The following RBM26 variants were observed in gnomAD, a reference collection of about 807,000 sequenced individuals.
RBM26 encodes the protein RNA-binding protein 26.
Under a neutral mutation model 123.6 loss-of-function variants are expected in RBM26, and 30 were observed. That is an observed-to-expected ratio of 0.24 (90% CI 0.18 to 0.33). The LOEUF is 0.33. Ranked by LOEUF, RBM26 falls within the 10% of genes least tolerant of loss-of-function variation. The pLI is 1.00. For synonymous variants in RBM26, 400 were observed against 404.4 expected (o/e 0.99, Z 0.13); for missense variants, 947 against 1,203.6 (o/e 0.79, Z 3.15).
At chr13:79,389,168 G>A (rs751867243) in intron 1 of RBM26, among the ~76,000 whole-genome samples, 6 of 152,094 alleles carry the variant, frequency 3.9e-5, no homozygotes, top group Non-Finnish European at 5.9e-5. Context: ...ACTATCTCCC[G>A]TAACTTCTTT....
chr13:79,405,817 G>A lies in RBM26; in HGVS notation c.-43C>T, dbSNP rs781005517. Reference sequence around the variant, plus strand: ...CCCGTCACACTCCTCCGCCCGCCCAGGTCGCGGCCGCTACAGCCGCCGCTG... The same window carrying A: ...CCCGTCACACTCCTCCGCCCGCCCAAGTCGCGGCCGCTACAGCCGCCGCTG... On this transcript the variant is annotated 5_prime_UTR_variant, in exon 1 of 22. Transcript: ENST00000438737. 1.5e-6 allele frequency: 2 copies of A among 1,328,514 alleles called. No individual in the cohort carries two copies. The allele number at this position is 1,328,514 out of a possible 1,614,324, so 82.3% of individuals were successfully genotyped here.
intron 18 of RBM26, among the ~76,000 whole-genome samples, chr13:79,340,299 G>T (rs2071158293): frequency 6.6e-6 from 1 of 151,900 alleles, no homozygotes; most frequent in Admixed American, 6.6e-5. Flanking sequence ...GAGCTTTAAG[G>T]CAAGTATGGT....
At chr13:79,344,133 T>A in intron 16 of RBM26, 115 bp downstream of exon 16, 1 of 744,814 alleles carries the variant, frequency 1.3e-6, no homozygotes, top group Non-Finnish European at 2.4e-6. Flanking sequence ...CTGACAAATA[T>A]TTGTTTTACC....
chr13:79,356,006 T>TA (rs1217418571), intron 11 of RBM26, among the ~76,000 whole-genome samples: 1 of 152,164 alleles, frequency 6.6e-6, no homozygotes, highest in Non-Finnish European at 1.5e-5. Flanking sequence ...CTTTCAATAA[T>TA]AGAGTTTTCC....
At chr13:79,325,070 A>C (rs1414728362) in intron 20 of RBM26, among the ~76,000 whole-genome samples, 1 of 152,048 alleles carries the variant, frequency 6.6e-6, no homozygotes, top group African/African-American at 2.4e-5. Context: ...ATCATAATAC[A>C]TTACTCACAT....
At chr13:79,398,751 C>G (rs9565496) in intron 1 of RBM26, among the ~76,000 whole-genome samples, 73,209 of 151,880 alleles carry the variant, frequency 0.48, 18,177 homozygotes, top group East Asian at 0.72. Context: ...ACTGAAGATG[C>G]TAGGAGTAAA....
intron 1 of RBM26, among the ~76,000 whole-genome samples, chr13:79,388,577 G>A (rs9574416): frequency 0.5 from 75,579 of 151,986 alleles, 19,181 homozygotes; most frequent in East Asian, 0.72. Flanking sequence ...GTATACTCAC[G>A]ATTCCTCCAA....
intron 20 of RBM26, among the ~76,000 whole-genome samples, chr13:79,334,095 A>G (rs2069896075): frequency 6.6e-6 from 1 of 152,178 alleles, no homozygotes. Flanking sequence ...AATCCCTGGT[A>G]TCTCACGACA....
In RBM26 at chr13:79,366,194, T is replaced by G. The variant is rs74443830; in HGVS notation, c.1137A>C (p.Gly379=). The G allele has an allele frequency of 2.5e-6, 4 of 1,610,512 alleles. No individual in the cohort carries two copies. Among genetic ancestry groups the G allele is most frequent in the Non-Finnish European group, 3.4e-6 (4 of 1,178,870 alleles). The change falls in exon 8 of 22, where the codon GGA becomes GGC. Residue 379 remains glycine, a splice_region_variant and synonymous_variant. Coordinates refer to ENST00000438737, the MANE Select transcript of RBM26 (RefSeq NM_001366735.2). ...GCAAAGGAGGAAGTGGAGGTGGTGGTCCTGTCAAAACCAAAGAATAAGAAA... is the reference window on the plus strand; with the variant it reads ...GCAAAGGAGGAAGTGGAGGTGGTGGGCCTGTCAAAACCAAAGAATAAGAAA... The part of the protein sequence containing the change: ...PLPPSLPPVT[G]PPPPLPPLQP...
At chr13:79,342,310 G>A (rs1195148348) in intron 17 of RBM26, among the ~76,000 whole-genome samples, 2 of 151,678 alleles carry the variant, frequency 1.3e-5, no homozygotes, top group African/African-American at 4.8e-5. Context: ...ACCGTGTACG[G>A]TGTTGTCAGA....
chr13:79,344,844 A>T (rs772433555), intron 14 of RBM26, 50 bp from the exon 15 acceptor site: 1 of 1,580,740 alleles, frequency 6.3e-7, no homozygotes, highest in Admixed American at 1.8e-5. Context: ...CGTTCATGAT[A>T]TCCTATTTTC....
Position 79,319,089 on chromosome 13 carries a change from A to C in RBM26, c.*1532T>G. On this transcript the variant is annotated 3_prime_UTR_variant, in exon 22 of 22. Transcript: ENST00000438737. ...AATTGCAAGGCAAAGCATTTCTATG[A>C]AATAGTGTTACCATCAAGAAAATAC... The C allele has an allele frequency of 2.0e-6, 2 of 984,382 alleles. No homozygotes were observed. The highest frequency in any genetic ancestry group is 2.4e-6 in the Non-Finnish European group (2 of 829,178). 61.0% of individuals were successfully genotyped at this position (984,382 alleles called of 1,614,324 possible).
chr13:79,344,652 A>G lies in RBM26; in HGVS notation c.2184+17T>C. On this transcript the variant is annotated intron_variant, in intron 15 of 21. Transcript: ENST00000438737. ...CCTATATGCAAAAATTTTTTATACT[A>G]TACCAGTTGTACTTACCTGTTTTTT... 1.2e-6 allele frequency: 2 copies of G among 1,603,568 alleles called. No homozygotes were observed. Among genetic ancestry groups the G allele is most frequent in the African/African-American group, 1.3e-5 (1 of 74,258 alleles).
At chr13:79,335,950 CCTTT>C (rs1594050800) in intron 19 of RBM26, among the ~76,000 whole-genome samples, 1 of 152,052 alleles carries the variant, frequency 6.6e-6, no homozygotes, top group Non-Finnish European at 1.5e-5. Flanking sequence ...TCTCTTAATT[CCTTT>C]CTTTATCCCT....
At chr13:79,387,944 T>C (rs935862709) in intron 1 of RBM26, among the ~76,000 whole-genome samples, 1 of 152,202 alleles carries the variant, frequency 6.6e-6, no homozygotes, top group Admixed American at 6.5e-5. Flanking sequence ...GTTTCTCCCA[T>C]TGGTATTACA....
intron 20 of RBM26, 75 bp downstream of exon 20, chr13:79,334,269 C>G: frequency 1.2e-6 from 1 of 817,462 alleles, no homozygotes; most frequent in South Asian, 1.8e-5. Context: ...TTAAAAAATT[C>G]ATTTATATTA....
At chr13:79,316,092 GA>G (rs1195257764), downstream of RBM26, among the ~76,000 whole-genome samples, 5 of 151,444 alleles carry the variant, frequency 3.3e-5, no homozygotes, top group South Asian at 1.0e-3. Flanking sequence ...ATAAGAACAA[GA>G]AAAGCCCCGA....
chr13:79,394,794 C>T (rs1594731496), intron 1 of RBM26, among the ~76,000 whole-genome samples: 1 of 152,238 alleles, frequency 6.6e-6, no homozygotes, highest in East Asian at 1.9e-4. Context: ...TAACAACACC[C>T]GGCTAATTTT....
chr13:79,368,392 T>C (rs578223596), intron 6 of RBM26, among the ~76,000 whole-genome samples: 2 of 152,306 alleles, frequency 1.3e-5, no homozygotes, highest in African/African-American at 4.8e-5. Context: ...TACATTTCTA[T>C]TTACAGTCCA....
Sources: gnomAD v4.1 joint callset for allele counts (sites outside exome capture counted in the v4.1 genomes callset) on GRCh38, gnomAD v4.1.1 for gene constraint, MANE v1.5 for transcripts, NCBI Gene and HGNC (gene_info 2026-07-23, HGNC 2026-07-21) for gene names.